KRT83: variants seen among roughly 807,000 people sequenced by gnomAD.
The protein encoded by KRT83 is keratin 83, also known as keratin, type II cuticular Hb3.
A neutral mutation model predicts 52.9 loss-of-function variants in KRT83; 51 were observed. The ratio of observed to expected loss-of-function variants is 0.96; its 90% CI spans 0.77 to 1.22. The LOEUF (loss-of-function observed/expected upper bound fraction) is 1.22, where lower values mean the gene tolerates loss of function less well. KRT83 is among the 50% of genes most tolerant of loss of function. KRT83 has a pLI of 0.00. For synonymous variants in KRT83, 278 were observed against 274.1 expected (o/e 1.01, Z -0.14); for missense variants, 654 against 666.5 (o/e 0.98, Z 0.21).
chr12:52,319,910 C>G (rs1350051207), intron 1 of KRT83, among the ~76,000 whole-genome samples: 3 of 152,158 alleles, frequency 2.0e-5, no homozygotes, highest in Non-Finnish European at 2.9e-5. Context: ...GCTCCAACCC[C>G]CTTATTTTAC....
chr12:52,321,130 C>G lies in KRT83; in HGVS notation c.206G>C (p.Gly69Ala), dbSNP rs990215562. The G allele has an allele frequency of 1.2e-6, 2 of 1,612,388 alleles. No individual in the cohort carries two copies. The highest frequency in any genetic ancestry group is 4.5e-5 in the East Asian group (2 of 44,884). The change falls in exon 1 of 9, where the codon GGC (glycine) becomes GCC (alanine). Residue 69 changes from glycine to alanine, a missense_variant. By Grantham distance (60) the Gly-to-Ala change is moderately conservative. Transcript: ENST00000293670. Reference sequence around the variant, plus strand: ...TCCGCACACGCCCCCGGAGCGGTAGCCGAAGCTGCGTCCGCAGGAGCCGGC... The same window carrying G: ...TCCGCACACGCCCCCGGAGCGGTAGGCGAAGCTGCGTCCGCAGGAGCCGGC... ...FRAGSCGRSF[G>A]YRSGGVCGPS...
At position 52,317,869 on chromosome 12, in the gene KRT83, G is replaced by A. The variant is rs200630110; in HGVS notation, c.654+41C>T. On this transcript the variant is annotated intron_variant, in intron 3 of 8. Coordinates refer to ENST00000293670, the MANE Select transcript of KRT83 (RefSeq NM_002282.3). ...TGGCAGGACAAAGAGGATGGGTGGC[G>A]GGACTCAGGGCGGGCTCAGGGCCAG... 2.0e-4 allele frequency: 326 copies of A among 1,611,880 alleles called. 1 individual carries two copies. In the African/African-American group the frequency reaches 3.5e-3, roughly 17 times the overall value.
chr12:52,317,654 T>A, intron 4 of KRT83, 27 bp downstream of exon 4: 1 of 1,608,844 alleles, frequency 6.2e-7, no homozygotes, highest in Non-Finnish European at 8.5e-7. Context: ...GGGGGATCTG[T>A]GCCCACCATG....
chr12:52,315,869 T>G lies in KRT83; in HGVS notation c.1262+24A>C, dbSNP rs778039427. 6.0e-5 allele frequency: 97 copies of G among 1,611,926 alleles called. 2 individuals carry two copies. In the Admixed American group the frequency reaches 1.6e-3, roughly 26 times the overall value. On this transcript the variant is annotated intron_variant, in intron 7 of 8. Coordinates refer to ENST00000293670, the MANE Select transcript of KRT83 (RefSeq NM_002282.3). ...GGTGGGCAGGTCTATGCAAGTGGAG[T>G]GCTTAGGGCTGGGTTGGACCCACCT...
intron 2 of KRT83, among the ~76,000 whole-genome samples, 183 bp downstream of exon 2, chr12:52,318,973 G>A (rs1352663946): frequency 1.3e-5 from 2 of 152,190 alleles, no homozygotes; most frequent in East Asian, 3.8e-4. Context: ...TGATCTGCTG[G>A]TGGAAAGACA....
intron 2 of KRT83, among the ~76,000 whole-genome samples, chr12:52,318,277 G>A (rs1244547584): frequency 6.6e-6 from 1 of 152,074 alleles, no homozygotes; most frequent in African/African-American, 2.4e-5. Context: ...CCAGGTTCAT[G>A]CCATTCTCCC....
At position 52,314,745 on chromosome 12, in the gene KRT83, G is replaced by A. The variant is rs147993280; in HGVS notation, c.1368C>T (p.Ser456=). Residue 456 remains serine (S), a synonymous_variant, in exon 9 of 9, where the codon AGC becomes AGT. Transcript: ENST00000293670. ...CVSGSRPVTG[S]VCSAPCNGNL... ...TCCCGTTGCAGGGGGCACTGCAGAC[G>A]CTGCCCGTCACCGGCCGGGAGCCCG... 2.4e-5 allele frequency: 39 copies of A among 1,597,900 alleles called. No individual in the cohort carries two copies. Among genetic ancestry groups the A allele is most frequent in the African/African-American group, 8.0e-5 (6 of 74,712 alleles).
In KRT83 at chr12:52,320,438, C is replaced by T. The variant is rs920532650; in HGVS notation, c.384+514G>A. On this transcript the variant is annotated intron_variant, in intron 1 of 8. Coordinates refer to ENST00000293670, the MANE Select transcript of KRT83 (RefSeq NM_002282.3). Reference sequence around the variant, plus strand: ...CCATAAAGCCTGTGAGGATGGGGACCATGACTCTTGCTCACCCCTGGATCC... The same window carrying T: ...CCATAAAGCCTGTGAGGATGGGGACTATGACTCTTGCTCACCCCTGGATCC... Among the ~76,000 whole-genome samples, 3 of 152,192 alleles carry T rather than the reference C, an allele frequency of 2.0e-5. No individual in the cohort carries two copies. The East Asian group carries it at 5.8e-4, about 29-fold the overall frequency.
chr12:52,317,592 C>G, intron 4 of KRT83, 89 bp downstream of exon 4: 1 of 1,419,984 alleles, frequency 7.0e-7, no homozygotes, highest in Non-Finnish European at 1.0e-6. Flanking sequence ...CATATGTCAG[C>G]AGGCCTGGTT....
chr12:52,316,261 T>TACACACACACACACACAAAC (rs1555189062), intron 6 of KRT83, 148 bp from the exon 7 acceptor site: 1 of 625,454 alleles, frequency 1.6e-6, no homozygotes, highest in Non-Finnish European at 2.5e-6. Context: ...TCACTTACAC[T>TACACACACACACACACAAAC]ACACACACAC....
rs140012906 is a variant in KRT83, at chr12:52,317,931, G to A, written c.633C>T (p.Asn211=). The A allele has an allele frequency of 1.0e-3, 1,614 of 1,614,106 alleles. 19 individuals are homozygous for A. In the South Asian group the frequency reaches 0.012, roughly 12 times the overall value. Residue 211 remains asparagine, a synonymous_variant, in exon 3 of 9, where the codon AAC becomes AAT. Transcript: ENST00000293670. Reference sequence around the variant, plus strand: ...TCACCTTCTTTAGAGCCACAAACTCGTTCTCTGCTGTGGCTCGAAGTGCTA... The same window carrying A: ...TCACCTTCTTTAGAGCCACAAACTCATTCTCTGCTGTGGCTCGAAGTGCTA... ...EEVALRATAE[N]EFVALKKDVD...
chr12:52,317,143 G>C (rs1433584711), intron 4 of KRT83, 120 bp from the exon 5 acceptor site: 3 of 1,279,586 alleles, frequency 2.3e-6, no homozygotes, highest in East Asian at 2.3e-5. Flanking sequence ...AAACAAACCT[G>C]ATGAAATCAC....
intron 2 of KRT83, 131 bp from the exon 3 acceptor site, chr12:52,318,101 C>A (rs1938715084): frequency 1.2e-6 from 1 of 841,806 alleles, no homozygotes; most frequent in Non-Finnish European, 2.0e-6. Context: ...ATGGGTGGGG[C>A]TCTGCAGGAA....
chr12:52,316,772 A>G (rs1445922137), intron 5 of KRT83, 87 bp downstream of exon 5: 1 of 1,608,744 alleles, frequency 6.2e-7, no homozygotes, highest in African/African-American at 1.3e-5. Flanking sequence ...AGGGATCAGA[A>G]TCCCTAGACA....
At position 52,317,700 on chromosome 12, in the gene KRT83, A is replaced by G. The variant is rs1178522380; in HGVS notation, c.731T>C (p.Leu244Pro). 1 of 1,612,702 alleles carries G rather than the reference A, an allele frequency of 6.2e-7. No homozygotes were observed. The highest frequency in any genetic ancestry group is 8.5e-7 in the Non-Finnish European group (1 of 1,180,022). The stretch of plus-strand genomic sequence containing the variant: ...CCTCACCTCCTCGTACAGCCGCCTC[A>G]GGAAGTCAATCTCCTGGATCAGGGC... ...VEALIQEIDFLRRLYEEEIRI... is the reference protein window; with the variant it reads ...VEALIQEIDFPRRLYEEEIRI... The change falls in exon 4 of 9, where the codon CTG becomes CCG. Residue 244 changes from leucine (L) to proline (P), a missense_variant. Transcript: ENST00000293670.
intron 5 of KRT83, 101 bp downstream of exon 5, chr12:52,316,758 C>A: frequency 6.2e-7 from 1 of 1,601,882 alleles, no homozygotes; most frequent in Admixed American, 1.7e-5. Flanking sequence ...CTCTTACCAT[C>A]CTTAGGGATC....
intron 5 of KRT83, 123 bp downstream of exon 5, chr12:52,316,736 C>A: frequency 6.3e-7 from 1 of 1,594,786 alleles, no homozygotes; most frequent in Non-Finnish European, 8.6e-7. Context: ...AACATGAGAG[C>A]TATTGGTTTT....
chr12:52,319,421 G>C, intron 1 of KRT83, 57 bp from the exon 2 acceptor site: 2 of 1,609,920 alleles, frequency 1.2e-6, no homozygotes, highest in Non-Finnish European at 1.7e-6. Flanking sequence ...AGGACAAAGA[G>C]GGGTTCCCAG....
chr12:52,316,795 C>T (rs963112451), intron 5 of KRT83, 64 bp downstream of exon 5: 1 of 1,612,992 alleles, frequency 6.2e-7, no homozygotes, highest in African/African-American at 1.3e-5. Flanking sequence ...GAAGCCTTTT[C>T]TACTAGATAC....
Sources: allele counts gnomAD v4.1 joint callset (sites outside exome capture counted in the v4.1 genomes callset), GRCh38; gene constraint gnomAD v4.1.1; transcripts MANE v1.5; gene names NCBI Gene and HGNC (gene_info 2026-07-23, HGNC 2026-07-21).